Variants in AGMO observed in about 807,000 individuals in gnomAD.
The protein encoded by AGMO is glyceryl-ether monooxygenase.
In AGMO, 75 loss-of-function variants were observed where a neutral mutation model predicts 60.2. That is an observed-to-expected ratio of 1.25 (90% CI 1.03 to 1.51). The LOEUF (loss-of-function observed/expected upper bound fraction) is 1.51. Among genes scored for constraint, AGMO ranks in the 40% most tolerant of loss-of-function variants. The pLI is 0.00. For synonymous variants in AGMO, 261 were observed against 177.1 expected (o/e 1.47, Z -3.76); for missense variants, 763 against 525.5 (o/e 1.45, Z -4.42).
At chr7:15,254,125 T>C (rs1397928422) in intron 12 of AGMO, among the ~76,000 whole-genome samples, 1 of 152,150 alleles carries the variant, frequency 6.6e-6, no homozygotes, top group East Asian at 1.9e-4. Context: ...CTTTCTTTTT[T>C]CCATTCATCC....
At chr7:15,544,452 T>G (rs993088601) in intron 3 of AGMO, among the ~76,000 whole-genome samples, 1 of 151,548 alleles carries the variant, frequency 6.6e-6, no homozygotes, top group Admixed American at 6.6e-5. Context: ...CTAATAAATA[T>G]CCCCATAAAA....
chr7:15,158,106 A>C, the AGMO span, among the ~76,000 whole-genome samples: 6 of 152,142 alleles, frequency 3.9e-5, no homozygotes, highest in African/African-American at 1.4e-4. Context: ...TTGAGGATGG[A>C]TTATATTTGT....
intron 12 of AGMO, among the ~76,000 whole-genome samples, chr7:15,239,205 A>G (rs941481634): frequency 1.3e-5 from 2 of 152,108 alleles, no homozygotes; most frequent in Non-Finnish European, 2.9e-5. Context: ...AAATATCACA[A>G]TGAGAGGTTT....
intron 5 of AGMO, among the ~76,000 whole-genome samples, chr7:15,399,490 G>T (rs1784498846): frequency 6.6e-6 from 1 of 152,018 alleles, no homozygotes; most frequent in African/African-American, 2.4e-5. Context: ...ATTTTTTGGG[G>T]CACATTTTTT....
At chr7:15,374,224 A>G (rs1783349691) in intron 10 of AGMO, among the ~76,000 whole-genome samples, 2 of 152,138 alleles carry the variant, frequency 1.3e-5, no homozygotes, top group South Asian at 4.1e-4. Flanking sequence ...AATATTGGCT[A>G]TCTTATTCTT....
At chr7:15,140,228 A>C in the AGMO span, among the ~76,000 whole-genome samples, 1 of 152,092 alleles carries the variant, frequency 6.6e-6, no homozygotes, top group Admixed American at 6.6e-5. Flanking sequence ...AACTAGGTTT[A>C]TACATATTTT....
intron 3 of AGMO, among the ~76,000 whole-genome samples, chr7:15,437,086 A>C (rs1583551618): frequency 6.6e-6 from 1 of 152,284 alleles, no homozygotes; most frequent in African/African-American, 2.4e-5. Context: ...GAGCTAAGTA[A>C]ATGAAATAAA....
intron 12 of AGMO, among the ~76,000 whole-genome samples, chr7:15,218,422 CTCTT>C (rs1004601262): frequency 4.7e-5 from 7 of 150,506 alleles, no homozygotes; most frequent in South Asian, 4.2e-4. Context: ...TTAATGATGA[CTCTT>C]TCAACAGTTC....
the AGMO span, among the ~76,000 whole-genome samples, chr7:15,194,384 A>G: frequency 6.6e-6 from 1 of 151,640 alleles, no homozygotes; most frequent in African/African-American, 2.4e-5. Context: ...TTAAAAAAAA[A>G]GAAAAATATA....
chr7:15,276,073 T>C (rs2128516419), intron 12 of AGMO, among the ~76,000 whole-genome samples: 1 of 152,326 alleles, frequency 6.6e-6, no homozygotes, highest in East Asian at 1.9e-4. Flanking sequence ...CCTAGTGTTG[T>C]TAGCTAGTTG....
Position 15,537,860 on chromosome 7 carries a change from G to T in AGMO, c.409+6912C>A, listed in dbSNP as rs1541982. On this transcript the variant is annotated intron_variant, in intron 3 of 12. Transcript: ENST00000342526. ...AGAATATGCTATTTCTCCGAGAAAG[G>T]CCCCTCAAATCAGGCATTTTGAGGG... Among the ~76,000 whole-genome samples the T allele has an allele frequency of 2.8e-3, 423 of 152,008 alleles. 3 individuals carry two copies. The highest frequency in any genetic ancestry group is 9.6e-3 in the African/African-American group (397 of 41,458).
chr7:15,477,202 G>A (rs1353748687), intron 3 of AGMO, among the ~76,000 whole-genome samples: 2 of 151,102 alleles, frequency 1.3e-5, no homozygotes, highest in Non-Finnish European at 2.9e-5. Context: ...TTAAGTTAAA[G>A]GTATGAATGA....
At chr7:15,531,478 C>A (rs28892896) in intron 3 of AGMO, among the ~76,000 whole-genome samples, 397 of 10,616 alleles carry the variant, frequency 0.037, 81 homozygotes, top group African/African-American at 0.16. Context: ...TATATATTCT[C>A]TATATATATT....
chr7:15,270,302 A>G (rs1239156130), intron 12 of AGMO, among the ~76,000 whole-genome samples: 1 of 151,970 alleles, frequency 6.6e-6, no homozygotes, highest in East Asian at 1.9e-4. Context: ...TTATTATTTT[A>G]TATAAATAAA....
intron 12 of AGMO, among the ~76,000 whole-genome samples, chr7:15,273,927 T>C (rs1783698323): frequency 1.3e-5 from 2 of 152,190 alleles, no homozygotes; most frequent in South Asian, 2.1e-4. Flanking sequence ...TGTGTTTGTC[T>C]GTTATTTGTG....
Position 15,288,862 on chromosome 7 carries a change from A to AT in AGMO, c.1263+76651_1263+76652insA, listed in dbSNP as rs974223935. ...AAAAAAATAAAAAATAAAAAAAAAA[A>AT]AAATATATATACACTCTTATCTCTT... On this transcript the variant is annotated intron_variant, in intron 12 of 12. Transcript: ENST00000342526. Among the ~76,000 whole-genome samples, 335 of 149,428 alleles carry AT rather than the reference A, an allele frequency of 2.2e-3. 3 individuals are homozygous for AT. The highest frequency in any genetic ancestry group is 5.2e-3 in the African/African-American group (215 of 41,002).
chr7:15,263,040 A>G (rs996666757), intron 12 of AGMO, among the ~76,000 whole-genome samples: 3 of 152,106 alleles, frequency 2.0e-5, no homozygotes, highest in Non-Finnish European at 4.4e-5. Context: ...ATGACGAAGA[A>G]CCCAAAAGCA....
the AGMO span, among the ~76,000 whole-genome samples, chr7:15,135,449 T>C: frequency 6.6e-6 from 1 of 152,158 alleles, no homozygotes; most frequent in Non-Finnish European, 1.5e-5. Context: ...GAAACAGCCA[T>C]ATATTTTGAC....
chr7:15,516,056 G>C (rs373110211), intron 3 of AGMO, among the ~76,000 whole-genome samples: 1 of 152,046 alleles, frequency 6.6e-6, no homozygotes, highest in Non-Finnish European at 1.5e-5. Context: ...AGTATGTGAG[G>C]TATGATGTAA....
Sources: allele counts gnomAD v4.1 joint callset (sites outside exome capture counted in the v4.1 genomes callset), GRCh38; gene constraint gnomAD v4.1.1; transcripts MANE v1.5; gene names NCBI Gene and HGNC (gene_info 2026-07-23, HGNC 2026-07-21).